CDK13: variants seen among roughly 807,000 people sequenced by gnomAD.
The protein encoded by CDK13 is cyclin dependent kinase 13, also known as cyclin-dependent kinase 13.
A neutral mutation model predicts 137.6 loss-of-function variants in CDK13; 40 were observed. The observed-to-expected ratio is 0.29, with a 90% CI of 0.23 to 0.38. CDK13 has a LOEUF of 0.38. CDK13 is among the 10% of genes least tolerant of loss of function. The pLI, the probability that CDK13 is intolerant of heterozygous loss-of-function variation, is 1.00. For synonymous variants in CDK13, 869 were observed against 760.1 expected, an observed-to-expected ratio of 1.14 and a Z score of -2.36; for missense variants, 1,704 against 1,951.8, an observed-to-expected ratio of 0.87 and a Z score of 2.39.
chr7:39,960,020 G>A (rs967328246), intron 1 of CDK13, among the ~76,000 whole-genome samples: 7 of 151,008 alleles, frequency 4.6e-5, no homozygotes, highest in African/African-American at 1.7e-4. Context: ...TCAAACTTTA[G>A]TAGTACTTTT....
Position 39,996,524 on chromosome 7 carries a change from C to T in CDK13, c.1872-970C>T, listed in dbSNP as rs572852277. On this transcript the variant is annotated intron_variant, in intron 2 of 13. Transcript: ENST00000181839. ...AGCTGTAATTCTAGAAAGCTGGAAT[C>T]TTAAAAAAATTAGAAGAATAATTGT... Among the ~76,000 whole-genome samples, 40 of 152,098 alleles carry T rather than the reference C, an allele frequency of 2.6e-4. No individual in the cohort carries two copies. In the South Asian group the frequency reaches 8.3e-3, roughly 32 times the overall value.
intron 11 of CDK13, among the ~76,000 whole-genome samples, chr7:40,079,951 A>C (rs1361001406): frequency 2.0e-5 from 3 of 152,096 alleles, no homozygotes; most frequent in Non-Finnish European, 4.4e-5. Flanking sequence ...CCTTGACAGG[A>C]TCTAGAAACC....
At chr7:40,020,285 C>T (rs890755185) in intron 5 of CDK13, among the ~76,000 whole-genome samples, 8 of 152,064 alleles carry the variant, frequency 5.3e-5, no homozygotes, top group African/African-American at 1.9e-4. Context: ...CCAAACTGGT[C>T]TCCAACTCCT....
intron 5 of CDK13, among the ~76,000 whole-genome samples, chr7:40,003,229 C>T (rs1336084272): frequency 4.8e-5 from 7 of 146,150 alleles, no homozygotes; most frequent in African/African-American, 1.8e-4. Context: ...CTCTCTCTTA[C>T]TCTGTTGAGG....
chr7:39,996,461 A>C (rs573825324), intron 2 of CDK13, among the ~76,000 whole-genome samples: 1 of 152,346 alleles, frequency 6.6e-6, no homozygotes, highest in African/African-American at 2.4e-5. Context: ...CTCTTTATGC[A>C]TTCATAAAAA....
At chr7:39,996,796 C>G (rs1040634553) in intron 2 of CDK13, among the ~76,000 whole-genome samples, 9 of 151,724 alleles carry the variant, frequency 5.9e-5, no homozygotes, top group African/African-American at 1.9e-4. Context: ...AACCCCGTCT[C>G]TATTAAAAAT....
Position 40,063,108 on chromosome 7 carries a change from G to T in CDK13, c.2780+8G>T. On this transcript the variant is annotated splice_region_variant and intron_variant, in intron 9 of 13. Transcript: ENST00000181839. Reference sequence around the variant, plus strand: ...ACAACTAGAATTAATAAGGTAAGCTGCTGATTATAATATTGGTGGGAATTG... The same window carrying T: ...ACAACTAGAATTAATAAGGTAAGCTTCTGATTATAATATTGGTGGGAATTG... 9 of 1,591,540 alleles carry T rather than the reference G, an allele frequency of 5.7e-6. No individual in the cohort carries two copies. The highest frequency in any genetic ancestry group is 7.8e-6 in the Non-Finnish European group (9 of 1,159,452).
chr7:39,997,635 A>G lies in CDK13; in HGVS notation c.2013A>G (p.Ala671=). 6.2e-7 allele frequency: 1 copy of G among 1,613,790 alleles called. No homozygotes were observed. Among genetic ancestry groups the G allele is most frequent in the Non-Finnish European group, 8.5e-7 (1 of 1,179,876 alleles). The change falls in exon 3 of 14, where the codon GCA becomes GCG. Residue 671 remains alanine (A), a synonymous_variant. Transcript: ENST00000181839. The part of the protein sequence containing the change: ...LSKSPEEKKT[A]TQLHSKRRPK... ...AGAGTCCAGAGGAAAAGAAAACAGCAACACAGTTACATAGTAAAAGGAGGC... is the reference window on the plus strand; with the variant it reads ...AGAGTCCAGAGGAAAAGAAAACAGCGACACAGTTACATAGTAAAAGGAGGC...
At chr7:40,075,038 T>C (rs1227765028) in intron 9 of CDK13, among the ~76,000 whole-genome samples, 2 of 152,136 alleles carry the variant, frequency 1.3e-5, no homozygotes, top group African/African-American at 2.4e-5. Flanking sequence ...TGGAGTGTTA[T>C]AGTATTGATT....
intron 5 of CDK13, among the ~76,000 whole-genome samples, chr7:40,024,675 T>C (rs1161812052): frequency 1.7e-4 from 16 of 94,292 alleles, no homozygotes; most frequent in Non-Finnish European, 3.2e-4. Context: ...TTTTTTTTTT[T>C]TTTCCTGAGA....
chr7:40,044,120 C>G (rs1172159700), intron 5 of CDK13, among the ~76,000 whole-genome samples: 5 of 151,766 alleles, frequency 3.3e-5, no homozygotes, highest in Non-Finnish European at 7.4e-5. Context: ...TGGTCTCTAA[C>G]TCCTGACCTC....
At chr7:40,071,336 C>T (rs1282340104) in intron 9 of CDK13, 3 of 152,112 alleles carry the variant, frequency 2.0e-5, no homozygotes, top group Non-Finnish European at 4.4e-5. Context: ...TCTATAACGT[C>T]TATAGTTTCT....
rs146500222 is a variant in CDK13 at position 40,087,833 on chromosome 7, C to G, written c.3030-293C>G. On this transcript the variant is annotated intron_variant, in intron 11 of 13. Transcript: ENST00000181839. ...CAAAGTGCTGGGATTACAGGCATGCCCAGCATAGTAGCCTATTTTTATGAA... is the reference window on the plus strand; with the variant it reads ...CAAAGTGCTGGGATTACAGGCATGCGCAGCATAGTAGCCTATTTTTATGAA... 4.3e-4 allele frequency among the ~76,000 whole-genome samples: 65 copies of G among 151,880 alleles called. 1 individual carries two copies. The highest frequency in any genetic ancestry group is 1.5e-3 in the African/African-American group (62 of 41,472).
In CDK13 at chr7:39,997,609, A is replaced by G. The variant is rs1321687875; in HGVS notation, c.1987A>G (p.Lys663Glu). The change falls in exon 3 of 14, where the codon AAG becomes GAG. Residue 663 changes from lysine (K) to glutamate (E), a missense_variant. By Grantham distance (56) the Lys-to-Glu change is moderately conservative. Coordinates refer to ENST00000181839, the MANE Select transcript of CDK13 (RefSeq NM_003718.5). ...GCTACCAGGAGGAGATGATCTTTCA[A>G]AGAGTCCAGAGGAAAAGAAAACAGC... is the stretch of plus-strand genomic sequence containing the variant. ...PELPGGDDLSKSPEEKKTATQ... is the reference protein window; with the variant it reads ...PELPGGDDLSESPEEKKTATQ... 9 of 1,613,460 alleles carry G rather than the reference A, an allele frequency of 5.6e-6. No individual in the cohort carries two copies. Among genetic ancestry groups the G allele is most frequent in the Middle Eastern group, 1.6e-4 (1 of 6,082 alleles).
chr7:40,088,166 A>C lies in CDK13; in HGVS notation c.3070A>C (p.Lys1024Gln). 1 of 1,614,026 alleles carries C rather than the reference A, an allele frequency of 6.2e-7. No individual in the cohort carries two copies. The highest frequency in any genetic ancestry group is 8.5e-7 in the Non-Finnish European group (1 of 1,180,006). ...AGATTGTCATGAGTTATGGAGTAAA[A>C]AGCGAAGAAGACAGAAGCAGATGGG... Reference protein sequence around the residue: ...WQDCHELWSKKRRRQKQMGMT... With the variant: ...WQDCHELWSKQRRRQKQMGMT... The change falls in exon 12 of 14, where the codon AAG (lysine) becomes CAG (glutamine). Residue 1024 changes from lysine to glutamine, a missense_variant. Coordinates refer to ENST00000181839, the MANE Select transcript of CDK13 (RefSeq NM_003718.5).
At chr7:40,042,477 C>CTTTTTTTTT (rs5883713) in intron 5 of CDK13, among the ~76,000 whole-genome samples, 70 of 76,114 alleles carry the variant, frequency 9.2e-4, no homozygotes, top group East Asian at 2.4e-3. Context: ...TCTTTTCTTT[C>CTTTTTTTTT]TTTTTTTTTT....
chr7:39,981,619 T>G (rs559149450), intron 1 of CDK13, among the ~76,000 whole-genome samples: 18 of 152,242 alleles, frequency 1.2e-4, no homozygotes, highest in African/African-American at 4.1e-4. Context: ...TTTTTGGAAT[T>G]TATTAGCAAA....
At chr7:40,007,745 A>G (rs931569112) in intron 5 of CDK13, among the ~76,000 whole-genome samples, 5 of 152,170 alleles carry the variant, frequency 3.3e-5, no homozygotes, top group Non-Finnish European at 5.9e-5. Flanking sequence ...GTATTTTCAT[A>G]TAACTTGTCA....
intron 5 of CDK13, among the ~76,000 whole-genome samples, chr7:40,030,274 TAG>T (rs70996874): frequency 3.9e-4 from 57 of 147,496 alleles, no homozygotes; most frequent in African/African-American, 1.0e-3. Flanking sequence ...TATATATATA[TAG>T]AGAGAGAGAG....
Sources: allele counts gnomAD v4.1 joint callset (sites outside exome capture counted in the v4.1 genomes callset), GRCh38; gene constraint gnomAD v4.1.1; transcripts MANE v1.5; gene names NCBI Gene and HGNC (gene_info 2026-07-23, HGNC 2026-07-21).